The following GRID2 variants were observed in gnomAD, a reference collection of about 807,000 sequenced individuals.
GRID2 encodes the protein glutamate ionotropic receptor delta type subunit 2.
Under a neutral mutation model 114.8 loss-of-function variants are expected in GRID2, and 33 were observed. That is an observed-to-expected ratio of 0.29 (90% CI 0.22 to 0.38). The LOEUF (loss-of-function observed/expected upper bound fraction) is 0.38. Ranked by LOEUF, GRID2 falls within the 10% of genes least tolerant of loss-of-function variation. The pLI, the probability that GRID2 is intolerant of heterozygous loss-of-function variation, is 1.00. For synonymous variants in GRID2, 505 were observed against 449.9 expected (o/e 1.12, Z -1.55); for missense variants, 1,184 against 1,257.7 (o/e 0.94, Z 0.89).
intron 2 of GRID2, among the ~76,000 whole-genome samples, chr4:92,786,059 GT>G (rs1739308677): frequency 6.6e-6 from 1 of 151,752 alleles, no homozygotes; most frequent in South Asian, 2.1e-4. Flanking sequence ...AATCTAAAAA[GT>G]TAAAAAGAAA....
At chr4:92,929,642 A>G (rs1000978440) in intron 2 of GRID2, among the ~76,000 whole-genome samples, 2 of 151,358 alleles carry the variant, frequency 1.3e-5, no homozygotes, top group African/African-American at 4.8e-5. Flanking sequence ...GTCTTCTTAA[A>G]GATTTTGAGG....
At chr4:93,326,502 A>T (rs1395539319) in intron 8 of GRID2, among the ~76,000 whole-genome samples, 1 of 152,118 alleles carries the variant, frequency 6.6e-6, no homozygotes, top group East Asian at 1.9e-4. Context: ...GAGCTTTTAG[A>T]TTCTCCAATA....
intron 2 of GRID2, among the ~76,000 whole-genome samples, chr4:93,064,161 G>A (rs1255469824): frequency 2.0e-5 from 3 of 149,900 alleles, no homozygotes; most frequent in Admixed American, 1.3e-4. Context: ...TTAAGTTGGT[G>A]CAAAAGTAAT....
chr4:92,942,858 G>A (rs1262652536), intron 2 of GRID2, among the ~76,000 whole-genome samples: 4 of 152,132 alleles, frequency 2.6e-5, no homozygotes, highest in Admixed American at 2.0e-4. Flanking sequence ...TGAAATTCTG[G>A]GTTGAAAATT....
intron 4 of GRID2, among the ~76,000 whole-genome samples, chr4:93,131,948 A>G (rs1160686): frequency 0.39 from 59,118 of 152,034 alleles, 11,838 homozygotes; most frequent in Admixed American, 0.54. Flanking sequence ...CAGTATTGTT[A>G]TATCTGTGAT....
chr4:93,139,610 T>C (rs1735572022), intron 4 of GRID2, among the ~76,000 whole-genome samples: 1 of 152,202 alleles, frequency 6.6e-6, no homozygotes. Context: ...GGTCTGTGTC[T>C]TTCTAGAGCA....
intron 2 of GRID2, chr4:92,822,227 C>G: frequency 1.9e-6 from 1 of 523,924 alleles, no homozygotes; most frequent in Admixed American, 2.0e-5. Context: ...TGATGATATT[C>G]CCACCACATA....
At chr4:93,156,031 C>T (rs1239600246) in intron 4 of GRID2, among the ~76,000 whole-genome samples, 1 of 151,438 alleles carries the variant, frequency 6.6e-6, no homozygotes, top group Non-Finnish European at 1.5e-5. Flanking sequence ...ACCCAATTAC[C>T]ACAATGTGAT....
chr4:93,713,025 C>A (rs17021048), intron 14 of GRID2, among the ~76,000 whole-genome samples: 1 of 151,844 alleles, frequency 6.6e-6, no homozygotes, highest in South Asian at 2.1e-4. Context: ...GTATATGAGC[C>A]ATTTTCCTGA....
chr4:93,326,931 T>C (rs1401492100), intron 8 of GRID2, among the ~76,000 whole-genome samples: 3 of 152,232 alleles, frequency 2.0e-5, no homozygotes, highest in African/African-American at 7.2e-5. Context: ...AATGGGTTTC[T>C]ATCACATCTG....
At chr4:92,516,573 A>C (rs1724511256) in intron 1 of GRID2, among the ~76,000 whole-genome samples, 1 of 151,896 alleles carries the variant, frequency 6.6e-6, no homozygotes, top group South Asian at 2.1e-4. Context: ...TTAAGCTCAG[A>C]TAAGGCTCAC....
At chr4:92,528,872 C>T (rs991974849) in intron 1 of GRID2, among the ~76,000 whole-genome samples, 5 of 144,552 alleles carry the variant, frequency 3.5e-5, no homozygotes, top group South Asian at 4.4e-4. Context: ...ACTTCATACA[C>T]GGGAAAAATA....
At chr4:93,013,882 T>C (rs1722425434) in intron 2 of GRID2, among the ~76,000 whole-genome samples, 1 of 151,940 alleles carries the variant, frequency 6.6e-6, no homozygotes, top group Non-Finnish European at 1.5e-5. Context: ...TTATAAAGCA[T>C]ATTGTAGGAT....
intron 2 of GRID2, among the ~76,000 whole-genome samples, chr4:92,652,415 T>C (rs1731987632): frequency 6.6e-6 from 1 of 151,944 alleles, no homozygotes. Context: ...ATGGCTCATA[T>C]ATAAATATTC....
intron 4 of GRID2, among the ~76,000 whole-genome samples, chr4:93,146,335 ATAAAGT>A (rs892997490): frequency 1.4e-4 from 21 of 152,322 alleles, no homozygotes; most frequent in African/African-American, 4.3e-4. Flanking sequence ...GGATTTGAAA[ATAAAGT>A]TAAGAGGGCA....
Position 93,041,469 on chromosome 4 carries a change from T to C in GRID2, c.245-43526T>C, listed in dbSNP as rs143492195. On this transcript the variant is annotated intron_variant, in intron 2 of 15. Transcript: ENST00000282020. ...CAAGGAGTCTTACAATCTCTGAAAGTTGACATTTCAGATTTCTAACTTAAT... is the reference window on the plus strand; with the variant it reads ...CAAGGAGTCTTACAATCTCTGAAAGCTGACATTTCAGATTTCTAACTTAAT... 3.4e-3 allele frequency among the ~76,000 whole-genome samples: 512 copies of C among 152,296 alleles called. 3 individuals carry two copies. The highest frequency in any genetic ancestry group is 5.0e-3 in the Non-Finnish European group (339 of 68,018).
At chr4:92,809,518 T>G (rs1164957595) in intron 2 of GRID2, among the ~76,000 whole-genome samples, 2 of 152,074 alleles carry the variant, frequency 1.3e-5, no homozygotes, top group South Asian at 2.1e-4. Context: ...TCCTGAATAT[T>G]TCAAATCCTA....
At chr4:93,169,721 G>T (rs1738611713) in intron 4 of GRID2, among the ~76,000 whole-genome samples, 1 of 152,178 alleles carries the variant, frequency 6.6e-6, no homozygotes, top group African/African-American at 2.4e-5. Flanking sequence ...CACTTGTGCT[G>T]AATAGCTTAT....
rs149596869 is a variant in GRID2, at chr4:92,924,633, A to G, written c.245-160362A>G. ...CCATGCCATGCTGTTGCATGAGGTT[A>G]TATTTTTCTAGTTACATTCACTGCA... On this transcript the variant is annotated intron_variant, in intron 2 of 15. Transcript: ENST00000282020. Among the ~76,000 whole-genome samples the G allele has an allele frequency of 8.0e-3, 1,217 of 152,238 alleles. 48 individuals carry two copies. The highest frequency in any genetic ancestry group is 0.062 in the Admixed American group (945 of 15,256).
Sources: allele counts gnomAD v4.1 joint callset (sites outside exome capture counted in the v4.1 genomes callset), GRCh38; gene constraint gnomAD v4.1.1; transcripts MANE v1.5; gene names NCBI Gene and HGNC (gene_info 2026-07-23, HGNC 2026-07-21).